Variants in STK3 observed in about 807,000 individuals in gnomAD.
The protein encoded by STK3 is serine/threonine-protein kinase 3.
A neutral mutation model predicts 58.0 loss-of-function variants in STK3; 41 were observed. That is an observed-to-expected ratio of 0.71 (90% CI 0.55 to 0.92). STK3 has a LOEUF of 0.92. Ranked by LOEUF, STK3 falls within the 40% of genes least tolerant of loss-of-function variation. STK3 has a pLI of 0.00. For missense variants in STK3, 479 were observed against 602.7 expected (o/e 0.79, Z 2.15); for synonymous variants, 170 against 191.0 (o/e 0.89, Z 0.91).
intron 8 of STK3, among the ~76,000 whole-genome samples, chr8:98,558,300 T>C (rs1424887923): frequency 6.6e-6 from 1 of 152,100 alleles, no homozygotes; most frequent in African/African-American, 2.4e-5. Context: ...GTTATTACAT[T>C]AACTAACATA....
chr8:98,903,556 C>CTTCTTCTTCTTCTTCTTCCTCTTCTTCTT (rs200556218), intron 1 of STK3, among the ~76,000 whole-genome samples: 3 of 50,502 alleles, frequency 5.9e-5, no homozygotes, highest in African/African-American at 2.1e-4. Flanking sequence ...TCTTCTTCTT[C>CTTCTTCTTCTTCTTCTTCCTCTTCTTCTT]CTTTTTTTTT....
At chr8:98,596,245 C>G (rs993245976) in intron 6 of STK3, 76 bp from the exon 7 acceptor site, 1 of 1,460,080 alleles carries the variant, frequency 6.8e-7, no homozygotes, top group Non-Finnish European at 9.2e-7. Context: ...CTTTATCTGT[C>G]TTTTTATCAG....
intron 4 of STK3, among the ~76,000 whole-genome samples, chr8:98,712,049 G>A (rs1826504289): frequency 6.6e-6 from 1 of 152,110 alleles, no homozygotes; most frequent in South Asian, 2.1e-4. Context: ...CATAAGTGAA[G>A]GAGAAATAAA....
intron 1 of STK3, among the ~76,000 whole-genome samples, chr8:98,441,153 C>G (rs1463285304): frequency 1.3e-5 from 2 of 152,208 alleles, no homozygotes; most frequent in Non-Finnish European, 2.9e-5. Flanking sequence ...AGGGAGAACT[C>G]AAAATTCACA....
chr8:98,708,877 A>T (rs553206842), intron 4 of STK3, among the ~76,000 whole-genome samples: 107 of 150,102 alleles, frequency 7.1e-4, no homozygotes, highest in Non-Finnish European at 1.3e-3. Flanking sequence ...GCTCCTTTCA[A>T]CCATACCAGA....
At chr8:98,581,284 G>A (rs993114256) in intron 7 of STK3, among the ~76,000 whole-genome samples, 1 of 152,146 alleles carries the variant, frequency 6.6e-6, no homozygotes, top group African/African-American at 2.4e-5. Flanking sequence ...GCTGATTGGC[G>A]ATGAAAGTCC....
chr8:98,430,955 G>C (rs1162062725), intron 3 of STK3: 2 of 167,036 alleles, frequency 1.2e-5, no homozygotes, highest in Non-Finnish European at 2.9e-5. Flanking sequence ...GGGGAACCTG[G>C]GTTCCTCTAT....
At chr8:98,592,659 G>A (rs529565852) in intron 7 of STK3, among the ~76,000 whole-genome samples, 3 of 152,168 alleles carry the variant, frequency 2.0e-5, no homozygotes, top group Non-Finnish European at 2.9e-5. Flanking sequence ...GTTGTTTGAA[G>A]TTGTGTTGTA....
intron 9 of STK3, among the ~76,000 whole-genome samples, chr8:98,533,332 T>C (rs13272983): frequency 8.5e-5 from 13 of 152,186 alleles, no homozygotes; most frequent in Admixed American, 6.5e-4. Flanking sequence ...TGCTTTCTAA[T>C]GGGTGTTTTG....
intron 1 of STK3, among the ~76,000 whole-genome samples, chr8:98,816,466 G>A (rs1834551115): frequency 6.7e-6 from 1 of 149,060 alleles, no homozygotes; most frequent in Non-Finnish European, 1.5e-5. Flanking sequence ...AGCTGAGATT[G>A]CACTACTGCA....
chr8:98,915,432 CTATATATATATATATATATATATA>C (rs56187203), intron 1 of STK3, among the ~76,000 whole-genome samples: 10 of 94,750 alleles, frequency 1.1e-4, no homozygotes, highest in Non-Finnish European at 1.6e-4. Flanking sequence ...ATAAACTTTC[CTATATATATATATATATATATATA>C]TATATATATA....
chr8:98,444,646 T>TATC (rs1340508806), intron 1 of STK3, among the ~76,000 whole-genome samples: 1 of 152,098 alleles, frequency 6.6e-6, no homozygotes, highest in African/African-American at 2.4e-5. Context: ...CATTAGTGAT[T>TATC]GGATGGAAGA....
chr8:98,747,735 C>G (rs1829731045), intron 4 of STK3, among the ~76,000 whole-genome samples: 1 of 152,178 alleles, frequency 6.6e-6, no homozygotes, highest in Non-Finnish European at 1.5e-5. Flanking sequence ...AATATACCTA[C>G]AGCTCCTGAT....
intron 6 of STK3, among the ~76,000 whole-genome samples, chr8:98,605,159 C>G (rs1217314660): frequency 2.6e-5 from 4 of 152,200 alleles, no homozygotes; most frequent in African/African-American, 9.6e-5. Flanking sequence ...GCCCTCCATA[C>G]TCTTCCAGCC....
rs193230435 is a variant in STK3, at chr8:98,539,315, C to A, written c.1141+8654G>T. Among the ~76,000 whole-genome samples, 6 of 152,100 alleles carry A rather than the reference C, an allele frequency of 3.9e-5. No homozygotes were observed. The East Asian group carries it at 1.2e-3, about 29-fold the overall frequency. ...GGGAGGAAGGAAAGGATATGAGAAC[C>A]GAGAGAAAGATATTACTAAGCAAAG... is the stretch of plus-strand genomic sequence containing the variant. On this transcript the variant is annotated intron_variant, in intron 9 of 10. Transcript: ENST00000419617.
intron 6 of STK3, among the ~76,000 whole-genome samples, chr8:98,657,312 A>G (rs1350876403): frequency 1.3e-5 from 2 of 152,110 alleles, no homozygotes; most frequent in African/African-American, 2.4e-5. Context: ...TAAAAATGCT[A>G]TAACTGGTGA....
intron 7 of STK3, among the ~76,000 whole-genome samples, chr8:98,589,746 C>T (rs11775055): frequency 0.23 from 34,880 of 152,132 alleles, 4,550 homozygotes; most frequent in East Asian, 0.45. Flanking sequence ...TAGCAATCAG[C>T]GAGACTCCGT....
the STK3 span, among the ~76,000 whole-genome samples, chr8:98,360,445 T>C: frequency 1.3e-5 from 2 of 152,152 alleles, no homozygotes; most frequent in Non-Finnish European, 2.9e-5. Flanking sequence ...CTCAGTAATA[T>C]TTCCTGAATG....
chr8:98,598,924 T>TTTA, intron 6 of STK3: 1 of 983,998 alleles, frequency 1.0e-6, no homozygotes, highest in Non-Finnish European at 1.2e-6. Flanking sequence ...AACAACTAAT[T>TTTA]ATCTTCATGC....
Sources: gnomAD v4.1 joint callset for allele counts (sites outside exome capture counted in the v4.1 genomes callset) on GRCh38, gnomAD v4.1.1 for gene constraint, MANE v1.5 for transcripts, NCBI Gene and HGNC (gene_info 2026-07-23, HGNC 2026-07-21) for gene names.